Variants in GLCCI1 observed in about 807,000 individuals in gnomAD.
GLCCI1 encodes glucocorticoid-induced transcript 1 protein.
A neutral mutation model predicts 52.2 loss-of-function variants in GLCCI1; 24 were observed. The ratio of observed to expected loss-of-function variants is 0.46; its 90% CI spans 0.33 to 0.65. The LOEUF (loss-of-function observed/expected upper bound fraction) is 0.65. Among genes scored for constraint, GLCCI1 ranks in the 30% least tolerant of loss-of-function variants. The pLI is 0.02. For missense variants in GLCCI1, 704 were observed against 701.5 expected (o/e 1.00, Z -0.04); for synonymous variants, 310 against 276.5 (o/e 1.12, Z -1.20).
chr7:8,046,061 C>T (rs1782117595), intron 3 of GLCCI1, among the ~76,000 whole-genome samples: 1 of 151,770 alleles, frequency 6.6e-6, no homozygotes, highest in Non-Finnish European at 1.5e-5. Flanking sequence ...TGAAAAGGGG[C>T]CACTTGCAAA....
At chr7:8,026,402 C>G (rs933856674) in intron 3 of GLCCI1, among the ~76,000 whole-genome samples, 3 of 152,174 alleles carry the variant, frequency 2.0e-5, no homozygotes, top group Admixed American at 1.3e-4. Flanking sequence ...CCCTCCCACC[C>G]CCAATGGAGT....
intron 6 of GLCCI1, among the ~76,000 whole-genome samples, chr7:8,076,566 T>G (rs755328724): frequency 2.0e-5 from 3 of 152,196 alleles, no homozygotes; most frequent in Admixed American, 6.5e-5. Context: ...ATGTTAACAA[T>G]TTTAACAATG....
At chr7:8,084,773 A>G (rs1783068270) in intron 6 of GLCCI1, 124 bp from the exon 7 acceptor site, 2 of 898,166 alleles carry the variant, frequency 2.2e-6, no homozygotes, top group Admixed American at 2.8e-5. Flanking sequence ...TAGCTTTGCA[A>G]TAAAGGAGAC....
chr7:8,057,496 G>A (rs945735220), intron 4 of GLCCI1, among the ~76,000 whole-genome samples: 4 of 151,938 alleles, frequency 2.6e-5, no homozygotes, highest in Admixed American at 2.0e-4. Context: ...TCTCAAAAAG[G>A]CAACATTATC....
chr7:8,023,281 C>T (rs1228359587), intron 3 of GLCCI1, among the ~76,000 whole-genome samples: 1 of 152,170 alleles, frequency 6.6e-6, no homozygotes, highest in African/African-American at 2.4e-5. Flanking sequence ...TCCCAAAGTG[C>T]TGGAATTACA....
intron 3 of GLCCI1, among the ~76,000 whole-genome samples, chr7:8,055,045 G>C (rs987978577): frequency 1.3e-5 from 2 of 152,076 alleles, no homozygotes; most frequent in African/African-American, 4.8e-5. Context: ...CAGGAACTTA[G>C]AAACTAATGT....
chr7:8,039,561 C>T (rs1781950228), intron 3 of GLCCI1, among the ~76,000 whole-genome samples: 1 of 152,108 alleles, frequency 6.6e-6, no homozygotes, highest in Non-Finnish European at 1.5e-5. Context: ...CATATTCTTA[C>T]TCATAAGTGG....
intron 3 of GLCCI1, among the ~76,000 whole-genome samples, chr7:8,046,832 A>T (rs1234445401): frequency 1.3e-5 from 2 of 152,188 alleles, no homozygotes; most frequent in African/African-American, 4.8e-5. Context: ...ATACCTTCAA[A>T]TACAGAGTTT....
chr7:7,969,626 G>T lies in GLCCI1; in HGVS notation c.276G>T (p.Leu92=). ...RPPVAAAAAS[L]GSLPGPGAAR... ...CCGTCGCCGCTGCCGCCGCCTCGCT[G>T]GGCAGCCTCCCGGGGCCCGGCGCGG... Residue 92 remains leucine (L), a synonymous_variant, in exon 1 of 8, where the codon CTG becomes CTT. Transcript: ENST00000223145. The surrounding 1 kb of genome is among the most constrained non-coding windows in gnomAD (Gnocchi z 4.9). 1 of 1,021,396 alleles carries T rather than the reference G, an allele frequency of 9.8e-7. No individual in the cohort carries two copies. Among genetic ancestry groups the T allele is most frequent in the South Asian group, 3.8e-5 (1 of 26,102 alleles). The allele number at this position is 1,021,396 out of a possible 1,614,324, so 63.3% of individuals were successfully genotyped here. A position where few individuals can be genotyped will look rare whatever the true frequency, so the allele number is the denominator to read the frequency against.
chr7:7,973,034 A>G (rs1235239880), intron 1 of GLCCI1, among the ~76,000 whole-genome samples: 1 of 152,094 alleles, frequency 6.6e-6, no homozygotes, highest in African/African-American at 2.4e-5. Flanking sequence ...CATTAGTAAA[A>G]TGTCATCCTC....
intron 1 of GLCCI1, among the ~76,000 whole-genome samples, chr7:7,979,887 G>A (rs1780573370): frequency 6.6e-6 from 1 of 152,130 alleles, no homozygotes; most frequent in African/African-American, 2.4e-5. Context: ...TTGGTTGAAT[G>A]CAGTGACCCA....
At chr7:8,001,950 G>T (rs954842558) in intron 1 of GLCCI1, among the ~76,000 whole-genome samples, 3 of 152,162 alleles carry the variant, frequency 2.0e-5, no homozygotes, top group Non-Finnish European at 2.9e-5. Flanking sequence ...CTCTCATAGG[G>T]TGGGGAGCTG....
Position 7,969,198 on chromosome 7 carries a change from G to A in GLCCI1, c.-153G>A. The A allele has an allele frequency of 1.4e-6, 1 of 724,396 alleles. No homozygotes were observed. The highest frequency in any genetic ancestry group is 5.3e-5 in the South Asian group (1 of 18,910). 44.9% of individuals were successfully genotyped at this position (724,396 alleles called of 1,614,324 possible). A position where few individuals can be genotyped will look rare whatever the true frequency, so the allele number is the denominator to read the frequency against. On this transcript the variant is annotated 5_prime_UTR_variant, in exon 1 of 8. Transcript: ENST00000223145. This position sits in a 1 kb window ranked among gnomAD's most constrained non-coding sequence, Gnocchi z 4.9. ...AGGCGGCGGGGGTGTGCGTTGGGGA[G>A]GGGGAGCCCCGAGACTCCTCCCCCA...
intron 2 of GLCCI1, among the ~76,000 whole-genome samples, chr7:8,017,473 A>C (rs1334758629): frequency 1.3e-5 from 2 of 152,124 alleles, no homozygotes; most frequent in Non-Finnish European, 2.9e-5. Flanking sequence ...AAAAAATAAG[A>C]AGTATATTTC....
Position 7,969,311 on chromosome 7 carries a change from T to A in GLCCI1, c.-40T>A. On this transcript the variant is annotated 5_prime_UTR_variant, in exon 1 of 8. Transcript: ENST00000223145. The surrounding 1 kb of genome is among the most constrained non-coding windows in gnomAD (Gnocchi z 4.9). ...GCTCGCGCGCCTCCCGCCCCGCGCC[T>A]CCGTGTCGGCCGGCGGCGTCCAGGG... The A allele has an allele frequency of 1.6e-6, 2 of 1,277,570 alleles. No individual in the cohort carries two copies. The highest frequency in any genetic ancestry group is 2.9e-4 in the Middle Eastern group (1 of 3,442). 79.1% of individuals were successfully genotyped at this position (1,277,570 alleles called of 1,614,324 possible). A position where few individuals can be genotyped will look rare whatever the true frequency, so the allele number is the denominator to read the frequency against.
chr7:8,088,925 T>A lies in GLCCI1; in HGVS notation c.*2387T>A, dbSNP rs1783176089. 1 of 152,700 alleles carries A rather than the reference T, an allele frequency of 6.5e-6. No individual in the cohort carries two copies. Among genetic ancestry groups the A allele is most frequent in the Non-Finnish European group, 1.5e-5 (1 of 68,054 alleles). The allele number at this position is 152,700 out of a possible 1,614,324, so 9.5% of individuals were successfully genotyped here. ...TCAGAAATTGTTTAAATTTTGTATA[T>A]AATTGTACTGTTTAATTCTAGCCAT... is the stretch of plus-strand genomic sequence containing the variant. On this transcript the variant is annotated 3_prime_UTR_variant, in exon 8 of 8. Coordinates refer to ENST00000223145, the MANE Select transcript of GLCCI1 (RefSeq NM_138426.4).
Position 8,057,631 on chromosome 7 carries a change from A to T in GLCCI1, c.813+2082A>T, listed in dbSNP as rs186674506. Among the ~76,000 whole-genome samples, 339 of 152,224 alleles carry T rather than the reference A, an allele frequency of 2.2e-3. 1 individual carries two copies. The highest frequency in any genetic ancestry group is 0.011 in the South Asian group (53 of 4,822). ...ACAAACTGCATACTTAAAATGGGAG[A>T]ATTTTATTGTATGCTGATTATACCT... On this transcript the variant is annotated intron_variant, in intron 4 of 7. Coordinates refer to ENST00000223145, the MANE Select transcript of GLCCI1 (RefSeq NM_138426.4).
intron 2 of GLCCI1, among the ~76,000 whole-genome samples, chr7:8,014,077 C>T (rs10258788): frequency 0.43 from 65,681 of 151,224 alleles, 14,577 homozygotes; most frequent in Middle Eastern, 0.52. Flanking sequence ...GCAGCCTCCA[C>T]CTTCTAGGTT....
chr7:8,052,326 T>C (rs1010490028), intron 3 of GLCCI1, among the ~76,000 whole-genome samples: 6 of 152,364 alleles, frequency 3.9e-5, no homozygotes, highest in South Asian at 2.1e-4. Context: ...TTTCTAACTA[T>C]TGAATACAAA....
Sources: allele counts gnomAD v4.1 joint callset (sites outside exome capture counted in the v4.1 genomes callset), GRCh38; gene constraint gnomAD v4.1.1; non-coding constraint Gnocchi (gnomAD v3.1); transcripts MANE v1.5; gene names NCBI Gene and HGNC (gene_info 2026-07-23, HGNC 2026-07-21).